The following OXSR1 variants were observed in gnomAD, a reference collection of about 807,000 sequenced individuals.
OXSR1 encodes serine/threonine-protein kinase OSR1.
In OXSR1, 24 loss-of-function variants were observed where a neutral mutation model predicts 79.8. The ratio of observed to expected loss-of-function variants is 0.30; its 90% CI spans 0.22 to 0.42. The LOEUF (loss-of-function observed/expected upper bound fraction) is 0.42. OXSR1 is among the 10% of genes least tolerant of loss of function. The probability of loss-of-function intolerance (pLI) is 1.00; values close to 1 mark genes in which losing one functional copy is unlikely to be tolerated. For synonymous variants in OXSR1, 226 were observed against 209.2 expected, an observed-to-expected ratio of 1.08 and a Z score of -0.69; for missense variants, 430 against 618.4, an observed-to-expected ratio of 0.70 and a Z score of 3.23.
chr3:38,211,463 AG>A (rs1397381672), intron 4 of OXSR1, among the ~76,000 whole-genome samples: 5 of 152,204 alleles, frequency 3.3e-5, no homozygotes, highest in Admixed American at 1.3e-4. Flanking sequence ...TTTTACTCCT[AG>A]AAATGTTTTT....
intron 4 of OXSR1, among the ~76,000 whole-genome samples, chr3:38,199,508 C>T (rs938742592): frequency 2.0e-5 from 3 of 152,174 alleles, no homozygotes; most frequent in African/African-American, 7.2e-5. Context: ...GGATTACAGG[C>T]ATAAGCCACT....
intron 4 of OXSR1, among the ~76,000 whole-genome samples, chr3:38,215,003 C>T (rs1702455111): frequency 6.6e-6 from 1 of 152,114 alleles, no homozygotes; most frequent in Non-Finnish European, 1.5e-5. Flanking sequence ...CTTTCTTTTG[C>T]TTATTTGATT....
At chr3:38,169,244 T>C (rs1227196251) in intron 1 of OXSR1, among the ~76,000 whole-genome samples, 1 of 152,192 alleles carries the variant, frequency 6.6e-6, no homozygotes, top group East Asian at 1.9e-4. Context: ...GGATCTTCTT[T>C]GGTGAAATAT....
chr3:38,251,476 C>T lies in OXSR1; in HGVS notation c.1444+5C>T, dbSNP rs751739532. On this transcript the variant is annotated splice_donor_5th_base_variant and intron_variant, in intron 16 of 17. Transcript: ENST00000311806. Reference sequence around the variant, plus strand: ...ACGGAAGGGATTTAGTAATAGGTAACTCCATTGCGTTCTGCTCATGTGCTC... The same window carrying T: ...ACGGAAGGGATTTAGTAATAGGTAATTCCATTGCGTTCTGCTCATGTGCTC... 6 of 1,607,314 alleles carry T rather than the reference C, an allele frequency of 3.7e-6. No homozygotes were observed. In the South Asian group the frequency reaches 5.5e-5, roughly 15 times the overall value.
At chr3:38,246,261 T>C (rs377636501) in intron 13 of OXSR1, 40 bp downstream of exon 13, 13 of 1,603,886 alleles carry the variant, frequency 8.1e-6, no homozygotes, top group African/African-American at 2.7e-5. Flanking sequence ...CTCCTTTGGA[T>C]AGATGAAAAG....
intron 1 of OXSR1, among the ~76,000 whole-genome samples, chr3:38,174,234 A>T (rs575062211): frequency 6.6e-6 from 1 of 152,282 alleles, no homozygotes; most frequent in East Asian, 1.9e-4. Context: ...AGTAAGACTG[A>T]AAATCATTGC....
At chr3:38,223,287 A>G (rs1702624577) in intron 6 of OXSR1, among the ~76,000 whole-genome samples, 1 of 151,912 alleles carries the variant, frequency 6.6e-6, no homozygotes, top group South Asian at 2.1e-4. Context: ...ACTCCTAGCT[A>G]ATTAAAACAA....
In OXSR1 at chr3:38,166,825, C is replaced by T. The variant is rs369117778; in HGVS notation, c.70+879C>T. Among the ~76,000 whole-genome samples, 361 of 150,174 alleles carry T rather than the reference C, an allele frequency of 2.4e-3. 2 individuals carry two copies. The highest frequency in any genetic ancestry group is 7.9e-3 in the African/African-American group (322 of 40,844). On this transcript the variant is annotated intron_variant, in intron 1 of 17. Transcript: ENST00000311806. Reference sequence around the variant, plus strand: ...AAAAAAAAAAAAAAATTTGAAGAGGCTTTGGCAAGTGCCATGAAGGAGATA... The same window carrying T: ...AAAAAAAAAAAAAAATTTGAAGAGGTTTTGGCAAGTGCCATGAAGGAGATA...
chr3:38,223,424 GC>G (rs1383853756), intron 6 of OXSR1, among the ~76,000 whole-genome samples: 2 of 149,098 alleles, frequency 1.3e-5, no homozygotes, highest in Non-Finnish European at 3.0e-5. Flanking sequence ...GAGCCACCGT[GC>G]CCCACCTCAG....
At chr3:38,195,007 A>T (rs1429084332) in intron 3 of OXSR1, among the ~76,000 whole-genome samples, 1 of 152,228 alleles carries the variant, frequency 6.6e-6, no homozygotes, top group African/African-American at 2.4e-5. Context: ...CAATATTATA[A>T]TCATTTAATG....
At chr3:38,242,709 G>A (rs1169303241) in intron 11 of OXSR1, 34 bp from the exon 12 acceptor site, 1 of 1,413,848 alleles carries the variant, frequency 7.1e-7, no homozygotes, top group South Asian at 1.3e-5. Context: ...CCTGAGTTGT[G>A]AGTTAACAAT....
chr3:38,224,663 A>G lies in OXSR1; in HGVS notation c.795A>G (p.Arg265=). Residue 265 remains arginine (R), a synonymous_variant, in exon 8 of 18, where the codon AGA becomes AGG. Transcript: ENST00000311806. ...EMLKKYGKSF[R]KMISLCLQKD... Reference sequence around the variant, plus strand: ...TGAAAAAATATGGAAAATCATTTAGAAAAATGATTTCATTGTGCCTTCAAA... The same window carrying G: ...TGAAAAAATATGGAAAATCATTTAGGAAAATGATTTCATTGTGCCTTCAAA... 1 of 1,583,740 alleles carries G rather than the reference A, an allele frequency of 6.3e-7. No homozygotes were observed. The highest frequency in any genetic ancestry group is 8.6e-7 in the Non-Finnish European group (1 of 1,160,786).
At chr3:38,252,298 TC>T in intron 16 of OXSR1, 29 bp from the exon 17 acceptor site, 1 of 1,499,274 alleles carries the variant, frequency 6.7e-7, no homozygotes, top group Non-Finnish European at 9.3e-7. Context: ...AACTTCTCAT[TC>T]ATTACCTTCT....
intron 6 of OXSR1, 76 bp from the exon 7 acceptor site, chr3:38,223,736 C>T (rs1702635381): frequency 6.9e-6 from 7 of 1,008,264 alleles, no homozygotes; most frequent in Non-Finnish European, 1.1e-5. Flanking sequence ...AGGTGTGAGC[C>T]TCCACCCTGG....
intron 4 of OXSR1, among the ~76,000 whole-genome samples, chr3:38,201,542 C>G (rs9851145): frequency 1.3e-5 from 2 of 152,146 alleles, no homozygotes; most frequent in Admixed American, 1.3e-4. Flanking sequence ...AACCCCCTCT[C>G]TACTAAAAAT....
chr3:38,224,586 C>G lies in OXSR1; in HGVS notation c.718C>G (p.Leu240Val), dbSNP rs374106391. The G allele has an allele frequency of 6.3e-7, 1 of 1,590,044 alleles. No homozygotes were observed. The highest frequency in any genetic ancestry group is 8.5e-7 in the Non-Finnish European group (1 of 1,172,388). Residue 240 changes from leucine to valine, a missense_variant, in exon 8 of 18, where the codon CTG becomes GTG. Physicochemically the swap from Leu to Val is conservative, Grantham distance 32. Transcript: ENST00000311806. ...ATTCTTGCAGGTTTTAATGCTGACACTGCAGAACGATCCTCCTTCTTTGGA... is the reference window on the plus strand; with the variant it reads ...ATTCTTGCAGGTTTTAATGCTGACAGTGCAGAACGATCCTCCTTCTTTGGA... ...YPPMKVLMLT[L>V]QNDPPSLETG...
intron 2 of OXSR1, among the ~76,000 whole-genome samples, chr3:38,188,254 C>G (rs905283851): frequency 6.6e-6 from 1 of 152,118 alleles, no homozygotes; most frequent in African/African-American, 2.4e-5. Context: ...TGTGATTTTT[C>G]TTTCCTTCAC....
Position 38,251,483 on chromosome 3 carries a change from G to A in OXSR1, c.1444+12G>A, listed in dbSNP as rs753769003. 8 of 1,604,120 alleles carry A rather than the reference G, an allele frequency of 5.0e-6. No homozygotes were observed. The Admixed American group carries it at 1.0e-4, about 20-fold the overall frequency. ...GGATTTAGTAATAGGTAACTCCATT[G>A]CGTTCTGCTCATGTGCTCCTGTGTC... On this transcript the variant is annotated intron_variant, in intron 16 of 17. Transcript: ENST00000311806.
At chr3:38,181,826 T>C (rs974373175) in intron 1 of OXSR1, among the ~76,000 whole-genome samples, 1 of 147,486 alleles carries the variant, frequency 6.8e-6, no homozygotes, top group Non-Finnish European at 1.5e-5. Flanking sequence ...GTATGACATG[T>C]CATTTTTTTT....
Sources: gnomAD v4.1 joint callset for allele counts (sites outside exome capture counted in the v4.1 genomes callset) on GRCh38, gnomAD v4.1.1 for gene constraint, MANE v1.5 for transcripts, NCBI Gene and HGNC (gene_info 2026-07-23, HGNC 2026-07-21) for gene names.